The following BRINP2 variants were observed in gnomAD, a reference collection of about 807,000 sequenced individuals.
BRINP2 encodes BMP/retinoic acid-inducible neural-specific protein 2.
Under a neutral mutation model 69.2 loss-of-function variants are expected in BRINP2, and 21 were observed. The ratio of observed to expected loss-of-function variants is 0.30; its 90% CI spans 0.22 to 0.44. BRINP2 has a LOEUF of 0.44. Ranked by LOEUF, BRINP2 falls within the 20% of genes least tolerant of loss-of-function variation. BRINP2 has a pLI of 1.00. For synonymous variants in BRINP2, 380 were observed against 394.1 expected (o/e 0.96, Z 0.42); for missense variants, 877 against 986.0 (o/e 0.89, Z 1.48).
At chr1:177,246,097 A>G (rs1650369003) in intron 2 of BRINP2, among the ~76,000 whole-genome samples, 1 of 152,194 alleles carries the variant, frequency 6.6e-6, no homozygotes, top group African/African-American at 2.4e-5. Context: ...ACATCAGGGA[A>G]GAGATGGCCT....
At chr1:177,266,472 A>G (rs1039414221) in intron 4 of BRINP2, among the ~76,000 whole-genome samples, 12 of 152,154 alleles carry the variant, frequency 7.9e-5, no homozygotes, top group Admixed American at 6.5e-4. Context: ...TAAAAAGGTA[A>G]CTTTTGGCTG....
At chr1:177,217,133 A>G (rs142182845) in intron 1 of BRINP2, among the ~76,000 whole-genome samples, 3 of 151,388 alleles carry the variant, frequency 2.0e-5, no homozygotes, top group African/African-American at 7.3e-5. Flanking sequence ...TGGAATGCCT[A>G]TGATGCATAG....
intron 1 of BRINP2, among the ~76,000 whole-genome samples, chr1:177,184,809 T>A (rs1297885585): frequency 6.6e-6 from 1 of 152,152 alleles, no homozygotes; most frequent in Non-Finnish European, 1.5e-5. Context: ...ACTAGAAAGT[T>A]AACAAGAATC....
intron 4 of BRINP2, among the ~76,000 whole-genome samples, chr1:177,268,146 C>T (rs1020907059): frequency 6.6e-6 from 1 of 152,186 alleles, no homozygotes; most frequent in Non-Finnish European, 1.5e-5. Context: ...GCATCCCACC[C>T]CACAGTTCTG....
At chr1:177,249,444 T>A (rs1650510798) in intron 2 of BRINP2, among the ~76,000 whole-genome samples, 1 of 152,202 alleles carries the variant, frequency 6.6e-6, no homozygotes, top group African/African-American at 2.4e-5. Context: ...CAGCCCTGAA[T>A]GCAGTGGCCA....
chr1:177,198,186 A>G (rs1648801937), intron 1 of BRINP2, among the ~76,000 whole-genome samples: 1 of 152,230 alleles, frequency 6.6e-6, no homozygotes. Context: ...TGGAAAATGT[A>G]TGTAGAAATG....
At chr1:177,193,999 C>T (rs184603462) in intron 1 of BRINP2, among the ~76,000 whole-genome samples, 2 of 152,302 alleles carry the variant, frequency 1.3e-5, no homozygotes, top group Admixed American at 1.3e-4. Flanking sequence ...AGTTCCCATT[C>T]TTTCTAATCC....
chr1:177,237,831 G>A (rs1348041352), intron 2 of BRINP2, among the ~76,000 whole-genome samples: 2 of 152,140 alleles, frequency 1.3e-5, no homozygotes, highest in Admixed American at 1.3e-4. Context: ...AAACTGTCAC[G>A]ACACAGGTGC....
intron 2 of BRINP2, among the ~76,000 whole-genome samples, chr1:177,238,547 A>C (rs538081749): frequency 6.6e-6 from 1 of 152,350 alleles, no homozygotes; most frequent in East Asian, 1.9e-4. Context: ...GATGATCAGA[A>C]GCGTTTCCCA....
chr1:177,273,384 C>A, intron 4 of BRINP2, 104 bp from the exon 5 acceptor site: 1 of 688,142 alleles, frequency 1.5e-6, no homozygotes, highest in South Asian at 2.1e-5. Context: ...TACAGCTGGT[C>A]AAGGACAGGA....
intron 5 of BRINP2, 41 bp from the exon 6 acceptor site, chr1:177,276,157 C>G (rs553236787): frequency 6.4e-7 from 1 of 1,570,418 alleles, no homozygotes; most frequent in Non-Finnish European, 8.7e-7. Flanking sequence ...TGAGTCCTCA[C>G]TGGTTCTTCC....
intron 2 of BRINP2, among the ~76,000 whole-genome samples, chr1:177,246,616 C>G (rs1167143003): frequency 6.6e-6 from 1 of 152,114 alleles, no homozygotes; most frequent in Non-Finnish European, 1.5e-5. Flanking sequence ...AAAAGAGAGA[C>G]TACTGGAAAT....
chr1:177,245,974 T>G (rs925726723), intron 2 of BRINP2, among the ~76,000 whole-genome samples: 1 of 152,148 alleles, frequency 6.6e-6, no homozygotes, highest in African/African-American at 2.4e-5. Flanking sequence ...TAGAATGAAA[T>G]TGGCCAATCA....
intron 1 of BRINP2, among the ~76,000 whole-genome samples, chr1:177,194,382 G>C (rs982294073): frequency 2.0e-5 from 3 of 152,194 alleles, no homozygotes; most frequent in Non-Finnish European, 4.4e-5. Context: ...AAGGAGGATA[G>C]ATAATGGAGT....
intron 4 of BRINP2, among the ~76,000 whole-genome samples, chr1:177,267,522 C>T (rs1404744857): frequency 1.3e-5 from 2 of 152,186 alleles, no homozygotes; most frequent in Admixed American, 6.5e-5. Context: ...CTTTGTTCAT[C>T]GCCATGTCCT....
chr1:177,230,012 C>T lies in BRINP2; in HGVS notation c.136C>T (p.His46Tyr). 6.2e-7 allele frequency: 1 copy of T among 1,613,680 alleles called. No homozygotes were observed. Among genetic ancestry groups the T allele is most frequent in the Non-Finnish European group, 8.5e-7 (1 of 1,179,974 alleles). The change falls in exon 2 of 8, where the codon CAT becomes TAT. Residue 46 changes from histidine (H) to tyrosine (Y), a missense_variant. Physicochemically the swap from His to Tyr is moderately conservative, Grantham distance 83. Coordinates refer to ENST00000361539, the MANE Select transcript of BRINP2 (RefSeq NM_021165.4). ...ATAAAVVPEQ[H>Y]ASVAGQHPLD... ...GGCGGCTGCTGTGGTCCCCGAGCAG[C>T]ATGCCTCCGTAGCTGGCCAGCATCC...
rs766029756 is a variant in BRINP2 at position 177,256,118 on chromosome 1, C to T, written c.460+9C>T. 6.2e-7 allele frequency: 1 copy of T among 1,612,572 alleles called. No individual in the cohort carries two copies. Among genetic ancestry groups the T allele is most frequent in the South Asian group, 1.1e-5 (1 of 90,948 alleles). On this transcript the variant is annotated intron_variant, in intron 3 of 7. Coordinates refer to ENST00000361539, the MANE Select transcript of BRINP2 (RefSeq NM_021165.4). ...TTCTGCCACCCTTGGAGGTAAGCAA[C>T]ATCACAATCCCAAGCTAATTGGTTG...
At chr1:177,213,074 G>T (rs1307929515) in intron 1 of BRINP2, among the ~76,000 whole-genome samples, 1 of 152,204 alleles carries the variant, frequency 6.6e-6, no homozygotes, top group East Asian at 1.9e-4. Flanking sequence ...AAAAGGAAAA[G>T]ATGTGGAGAT....
At chr1:177,236,707 G>A (rs1007750906) in intron 2 of BRINP2, among the ~76,000 whole-genome samples, 1 of 152,194 alleles carries the variant, frequency 6.6e-6, no homozygotes, top group African/African-American at 2.4e-5. Flanking sequence ...GTGGAGGCTT[G>A]TGGAATGGTG....
Sources: gnomAD v4.1 joint callset for allele counts (sites outside exome capture counted in the v4.1 genomes callset) on GRCh38, gnomAD v4.1.1 for gene constraint, MANE v1.5 for transcripts, NCBI Gene and HGNC (gene_info 2026-07-23, HGNC 2026-07-21) for gene names.